EPM2A: variants seen among roughly 807,000 people sequenced by gnomAD.
The protein encoded by EPM2A is EPM2A glucan phosphatase, laforin.
Under a neutral mutation model 26.5 loss-of-function variants are expected in EPM2A, and 21 were observed. That is an observed-to-expected ratio of 0.79 (90% CI 0.56 to 1.14). EPM2A has a LOEUF of 1.14. EPM2A is among the 50% of genes most tolerant of loss of function. The probability of loss-of-function intolerance (pLI) is 0.00; values close to 1 mark genes in which losing one functional copy is unlikely to be tolerated. For missense variants in EPM2A, 458 were observed against 440.8 expected (o/e 1.04, Z -0.35); for synonymous variants, 217 against 177.6 (o/e 1.22, Z -1.76).
intron 4 of EPM2A, among the ~76,000 whole-genome samples, chr6:145,487,959 T>C (rs1404536373): frequency 6.6e-6 from 1 of 152,202 alleles, no homozygotes; most frequent in Non-Finnish European, 1.5e-5. Flanking sequence ...GGGTTTTATA[T>C]GTAAGTCTTT....
In EPM2A at chr6:145,455,119, G is replaced by A. The variant is rs763352953; in HGVS notation, c.555+47403C>T. On this transcript the variant is annotated intron_variant, in intron 4 of 4. Coordinates refer to the EPM2A transcript ENST00000638717. ...TAATAGAGATATTGACTCTAAATAT[G>A]TGGGCATATGGAATTACTTAAAATT... Among the ~76,000 whole-genome samples, 62 of 151,874 alleles carry A rather than the reference G, an allele frequency of 4.1e-4. 1 individual carries two copies. Among genetic ancestry groups the A allele is most frequent in the Admixed American group, 2.7e-3 (41 of 15,232 alleles).
chr6:145,423,664 C>T (rs1778818116), intron 4 of EPM2A, among the ~76,000 whole-genome samples: 1 of 152,148 alleles, frequency 6.6e-6, no homozygotes, highest in Admixed American at 6.5e-5. Context: ...GGTGGAGATG[C>T]CCACTCCCGG....
In EPM2A at chr6:145,627,246, C is replaced by G. The variant is rs902526065; in HGVS notation, c.*170G>C. ...TTTCTTGTAGAGTATTTCAAAAATA[C>G]AGCCCCAAAACAAAGCATAATCGAA... On this transcript the variant is annotated 3_prime_UTR_variant, in exon 4 of 4. Coordinates refer to ENST00000367519, the MANE Select transcript of EPM2A (RefSeq NM_005670.4). 2.6e-6 allele frequency: 4 copies of G among 1,511,370 alleles called. No homozygotes were observed. Among genetic ancestry groups the G allele is most frequent in the Non-Finnish European group, 3.5e-6 (4 of 1,141,824 alleles). 93.6% of individuals were successfully genotyped at this position (1,511,370 alleles called of 1,614,324 possible). A position where few individuals can be genotyped will look rare whatever the true frequency, so the allele number is the denominator to read the frequency against.
chr6:145,731,842 C>A (rs1776504204), intron 1 of EPM2A, among the ~76,000 whole-genome samples: 2 of 151,964 alleles, frequency 1.3e-5, no homozygotes, highest in African/African-American at 4.8e-5. Flanking sequence ...TTTAAAGAGC[C>A]AACCAAGTGC....
chr6:145,623,064 C>T (rs970199069), downstream of EPM2A, among the ~76,000 whole-genome samples: 2 of 152,158 alleles, frequency 1.3e-5, no homozygotes, highest in African/African-American at 2.4e-5. Flanking sequence ...TTAGACAATA[C>T]CTATAACATT....
intron 2 of EPM2A, among the ~76,000 whole-genome samples, chr6:145,531,743 A>G (rs768400116): frequency 6.6e-6 from 1 of 152,164 alleles, no homozygotes; most frequent in Non-Finnish European, 1.5e-5. Flanking sequence ...CTCAGGTGAC[A>G]CAGGCCCCGG....
intron 4 of EPM2A, among the ~76,000 whole-genome samples, chr6:145,465,967 C>T (rs1487646309): frequency 2.0e-5 from 3 of 152,054 alleles, no homozygotes; most frequent in African/African-American, 7.2e-5. Flanking sequence ...CCCTTCCTTA[C>T]CCCTTATACA....
chr6:145,395,667 G>A (rs1778395580), intron 4 of EPM2A, among the ~76,000 whole-genome samples: 1 of 152,090 alleles, frequency 6.6e-6, no homozygotes, highest in Non-Finnish European at 1.5e-5. Context: ...ATAGCTCACT[G>A]TAACCTCCTT....
chr6:145,420,869 G>A (rs1374220688), intron 4 of EPM2A, among the ~76,000 whole-genome samples: 1 of 152,044 alleles, frequency 6.6e-6, no homozygotes, highest in Non-Finnish European at 1.5e-5. Context: ...GAGAGAGAGA[G>A]AGAGATCCTT....
At chr6:145,670,837 T>C (rs1779586973) in intron 2 of EPM2A, 1 of 856,324 alleles carries the variant, frequency 1.2e-6, no homozygotes, top group Admixed American at 6.2e-5. Context: ...ATGAACAGCA[T>C]TATTCAGATA....
At chr6:145,682,924 C>T (rs1262429197) in intron 2 of EPM2A, among the ~76,000 whole-genome samples, 2 of 152,108 alleles carry the variant, frequency 1.3e-5, no homozygotes, top group African/African-American at 4.8e-5. Flanking sequence ...AATGCTCAAA[C>T]ATATAATCTA....
rs536437633 is a variant in EPM2A, at chr6:145,443,031, T to G, written c.556-58934A>C. 1.3e-3 allele frequency among the ~76,000 whole-genome samples: 199 copies of G among 151,482 alleles called. 1 individual carries two copies. Among genetic ancestry groups the G allele is most frequent in the Admixed American group, 4.4e-3 (67 of 15,206 alleles). On this transcript the variant is annotated intron_variant, in intron 4 of 4. Transcript: ENST00000638717. ...ACCTGCCACCACGCCCGGCTAATTT[T>G]TGTGTGTGTGTGTGTGTTTTTAGTA...
chr6:145,677,042 C>T (rs1414308000), intron 2 of EPM2A, among the ~76,000 whole-genome samples: 2 of 152,196 alleles, frequency 1.3e-5, no homozygotes, highest in African/African-American at 2.4e-5. Flanking sequence ...CAGTAAAATA[C>T]TGGCAAACCA....
intron 2 of EPM2A, among the ~76,000 whole-genome samples, chr6:145,580,744 G>T (rs978816050): frequency 8.6e-5 from 13 of 151,964 alleles, no homozygotes; most frequent in African/African-American, 2.9e-4. Flanking sequence ...GTGTTTAGCT[G>T]CCACTTATAA....
intron 4 of EPM2A, among the ~76,000 whole-genome samples, chr6:145,464,490 C>G (rs1419409812): frequency 6.6e-6 from 1 of 152,052 alleles, no homozygotes; most frequent in Non-Finnish European, 1.5e-5. Context: ...TAATTTTTTC[C>G]TACCATGATG....
At chr6:145,439,364 T>C (rs1390942134) in intron 4 of EPM2A, among the ~76,000 whole-genome samples, 10 of 152,312 alleles carry the variant, frequency 6.6e-5, no homozygotes, top group Non-Finnish European at 2.9e-5. Context: ...AATTCTGCTT[T>C]TAGTTCTTTG....
intron 2 of EPM2A, chr6:145,670,804 T>C (rs1407037889): frequency 4.2e-6 from 2 of 477,702 alleles, no homozygotes; most frequent in African/African-American, 4.2e-5. Flanking sequence ...AAAAAGAGGA[T>C]ATCTAGCAAT....
chr6:145,451,712 T>C (rs1169011827), intron 4 of EPM2A, among the ~76,000 whole-genome samples: 1 of 152,212 alleles, frequency 6.6e-6, no homozygotes, highest in Non-Finnish European at 1.5e-5. Flanking sequence ...TAGCATTTGT[T>C]AAGAAAAATA....
At position 145,439,342 on chromosome 6, in the gene EPM2A, G is replaced by A. The variant is rs1779031888; in HGVS notation, c.556-55245C>T. ...ATATATACCCAGTAGTGAGATTGCT[G>A]GGTTGAATGGTAATTCTGCTTTTAG... On this transcript the variant is annotated intron_variant, in intron 4 of 4. Coordinates refer to the EPM2A transcript ENST00000638717. 2.0e-5 allele frequency among the ~76,000 whole-genome samples: 3 copies of A among 152,158 alleles called. No individual in the cohort carries two copies. The South Asian group carries it at 6.2e-4, about 32-fold the overall frequency.
Sources: gnomAD v4.1 joint callset for allele counts (sites outside exome capture counted in the v4.1 genomes callset) on GRCh38, gnomAD v4.1.1 for gene constraint, MANE v1.5 for transcripts, NCBI Gene and HGNC (gene_info 2026-07-23, HGNC 2026-07-21) for gene names.